CNTN5: variants seen among roughly 807,000 people sequenced by gnomAD.
CNTN5 encodes the protein contactin 5.
CNTN5 carries 77 observed loss-of-function variants against 129.1 expected under a neutral mutation model. That is an observed-to-expected ratio of 0.60 (90% CI 0.50 to 0.72). The LOEUF (loss-of-function observed/expected upper bound fraction) is 0.72. Among genes scored for constraint, CNTN5 ranks in the 30% least tolerant of loss-of-function variants. CNTN5 has a pLI of 0.00. For missense variants in CNTN5, 1,478 were observed against 1,328.8 expected, an observed-to-expected ratio of 1.11 and a Z score of -1.75; for synonymous variants, 509 against 465.6, an observed-to-expected ratio of 1.09 and a Z score of -1.20.
intron 1 of CNTN5, among the ~76,000 whole-genome samples, chr11:99,151,198 T>C (rs1860034622): frequency 6.6e-6 from 1 of 152,116 alleles, no homozygotes; most frequent in Non-Finnish European, 1.5e-5. Context: ...GCCTGCTTTG[T>C]CAACTTTTTT....
intron 6 of CNTN5, among the ~76,000 whole-genome samples, chr11:99,882,681 C>A (rs1948802010): frequency 6.6e-6 from 1 of 152,092 alleles, no homozygotes; most frequent in East Asian, 1.9e-4. Context: ...TATCCATCCC[C>A]TTTAGCATTT....
intron 6 of CNTN5, among the ~76,000 whole-genome samples, chr11:99,901,481 G>T (rs1310712267): frequency 1.3e-5 from 2 of 151,886 alleles, no homozygotes; most frequent in African/African-American, 4.8e-5. Flanking sequence ...TTTAATAGAG[G>T]TGGGTTTCAC....
intron 4 of CNTN5, among the ~76,000 whole-genome samples, chr11:99,828,668 A>T (rs909851801): frequency 5.3e-5 from 8 of 152,222 alleles, no homozygotes; most frequent in African/African-American, 1.9e-4. Context: ...ATGCATAATC[A>T]TGGAAGCTTT....
chr11:99,771,876 A>C (rs973407), intron 3 of CNTN5, among the ~76,000 whole-genome samples: 18,315 of 151,848 alleles, frequency 0.12, 1,673 homozygotes, highest in East Asian at 0.44. Flanking sequence ...GAAAATTCCT[A>C]AAGAAAGGGA....
At chr11:99,117,522 T>C (rs540915615) in intron 1 of CNTN5, among the ~76,000 whole-genome samples, 1 of 152,312 alleles carries the variant, frequency 6.6e-6, no homozygotes, top group East Asian at 1.9e-4. Context: ...GTCCATGGTG[T>C]TACATAAATA....
intron 7 of CNTN5, among the ~76,000 whole-genome samples, chr11:99,918,536 C>T (rs937757169): frequency 1.3e-5 from 2 of 152,040 alleles, no homozygotes; most frequent in Admixed American, 6.6e-5. Context: ...CATCCTATTA[C>T]GTTGTGAAAG....
intron 8 of CNTN5, among the ~76,000 whole-genome samples, chr11:99,995,429 A>G (rs1490666830): frequency 5.9e-5 from 9 of 152,194 alleles, no homozygotes; most frequent in Non-Finnish European, 1.3e-4. Flanking sequence ...TTTCTTCAAA[A>G]CTTATTTCAA....
intron 18 of CNTN5, among the ~76,000 whole-genome samples, chr11:100,295,666 T>C (rs144638443): frequency 6.8e-4 from 103 of 151,426 alleles, no homozygotes; most frequent in African/African-American, 2.5e-3. Context: ...TAATCTAGAG[T>C]TTCTGAGCAT....
chr11:100,286,603 T>C, intron 18 of CNTN5, among the ~76,000 whole-genome samples: 2 of 144,498 alleles, frequency 1.4e-5, no homozygotes, highest in Admixed American at 6.9e-5. Context: ...AAAACCCATC[T>C]GTACATCACC....
chr11:100,067,615 G>T (rs1943748082), intron 10 of CNTN5, among the ~76,000 whole-genome samples: 1 of 151,926 alleles, frequency 6.6e-6, no homozygotes. Context: ...AATGACATCT[G>T]TCTTTTATCT....
At chr11:100,273,490 C>A (rs1449116695) in intron 18 of CNTN5, among the ~76,000 whole-genome samples, 1 of 152,280 alleles carries the variant, frequency 6.6e-6, no homozygotes, top group South Asian at 2.1e-4. Context: ...AAGTACCCCA[C>A]CCTTGCTTTA....
In CNTN5 at chr11:99,680,731, G is replaced by T. The variant is rs906722904; in HGVS notation, c.55+124462G>T. On this transcript the variant is annotated intron_variant, in intron 3 of 24. Transcript: ENST00000524871. ...TATCAGAAGGTTTTTACCTTACTTTGCCCAGGAATATTAGAAGAATCACCG... is the reference window on the plus strand; with the variant it reads ...TATCAGAAGGTTTTTACCTTACTTTTCCCAGGAATATTAGAAGAATCACCG... Among the ~76,000 whole-genome samples, 6 of 151,512 alleles carry T rather than the reference G, an allele frequency of 4.0e-5. No individual in the cohort carries two copies. The South Asian group carries it at 8.4e-4, about 21-fold the overall frequency.
intron 2 of CNTN5, among the ~76,000 whole-genome samples, chr11:99,395,681 C>T (rs911104672): frequency 2.0e-5 from 3 of 151,788 alleles, no homozygotes; most frequent in African/African-American, 7.2e-5. Flanking sequence ...TGGGGTTTTA[C>T]ATTTAAGTCT....
chr11:99,881,684 TA>T (rs1486814907), intron 6 of CNTN5, among the ~76,000 whole-genome samples: 2 of 152,192 alleles, frequency 1.3e-5, no homozygotes, highest in East Asian at 3.9e-4. Context: ...AAGTGCTGCG[TA>T]TAAACTAAAT....
chr11:99,682,375 T>G (rs1484088378), intron 3 of CNTN5, among the ~76,000 whole-genome samples: 2 of 151,808 alleles, frequency 1.3e-5, no homozygotes, highest in African/African-American at 4.8e-5. Flanking sequence ...AGAATACTAC[T>G]AAAAATGAAA....
At chr11:99,135,986 T>G (rs1236485862) in intron 1 of CNTN5, among the ~76,000 whole-genome samples, 1 of 152,158 alleles carries the variant, frequency 6.6e-6, no homozygotes, top group Non-Finnish European at 1.5e-5. Flanking sequence ...TGTAATTATG[T>G]TTTTCATTAG....
At chr11:99,410,909 C>T (rs74778539) in intron 2 of CNTN5, among the ~76,000 whole-genome samples, 5,279 of 152,282 alleles carry the variant, frequency 0.035, 128 homozygotes, top group Non-Finnish European at 0.055. Flanking sequence ...TCTCCTTTAA[C>T]AACCTAATCT....
At chr11:99,962,061 G>A (rs1341931071) in intron 8 of CNTN5, among the ~76,000 whole-genome samples, 1 of 152,112 alleles carries the variant, frequency 6.6e-6, no homozygotes, top group African/African-American at 2.4e-5. Flanking sequence ...TGTGCTTATA[G>A]AGTGATTACA....
At chr11:99,965,108 C>A (rs1177028998) in intron 8 of CNTN5, among the ~76,000 whole-genome samples, 4 of 152,252 alleles carry the variant, frequency 2.6e-5, no homozygotes, top group East Asian at 1.9e-4. Context: ...TTTCAAAAAA[C>A]CAGCTCCTGG....
Sources: gnomAD v4.1 joint callset for allele counts (sites outside exome capture counted in the v4.1 genomes callset) on GRCh38, gnomAD v4.1.1 for gene constraint, MANE v1.5 for transcripts, NCBI Gene and HGNC (gene_info 2026-07-23, HGNC 2026-07-21) for gene names.